The following ADCK1 variants were observed in gnomAD, a reference collection of about 807,000 sequenced individuals.
ADCK1 encodes the protein aarF domain containing kinase 1, also known as aarF domain-containing protein kinase 1.
A neutral mutation model predicts 52.3 loss-of-function variants in ADCK1; 41 were observed. That is an observed-to-expected ratio of 0.78 (90% CI 0.61 to 1.02). ADCK1 has a LOEUF of 1.02. ADCK1 is among the 50% of genes least tolerant of loss of function. The probability of loss-of-function intolerance (pLI) is 0.00; values close to 1 mark genes in which losing one functional copy is unlikely to be tolerated. For synonymous variants in ADCK1, 250 were observed against 274.6 expected, an observed-to-expected ratio of 0.91 and a Z score of 0.89; for missense variants, 658 against 679.5, an observed-to-expected ratio of 0.97 and a Z score of 0.35.
intron 7 of ADCK1, among the ~76,000 whole-genome samples, chr14:77,922,705 G>GC (rs1413557907): frequency 5.3e-5 from 8 of 152,188 alleles, no homozygotes; most frequent in Non-Finnish European, 8.8e-5. Context: ...GTGAATCTTG[G>GC]CTCGACCCTT....
intron 4 of ADCK1, among the ~76,000 whole-genome samples, chr14:77,866,582 T>C (rs574631852): frequency 3.0e-4 from 46 of 152,238 alleles, no homozygotes; most frequent in Non-Finnish European, 5.6e-4. Flanking sequence ...GATTAGGGAC[T>C]CTGAAGTATG....
intron 5 of ADCK1, among the ~76,000 whole-genome samples, chr14:77,897,699 T>C (rs1282111091): frequency 6.6e-6 from 1 of 152,240 alleles, no homozygotes; most frequent in Non-Finnish European, 1.5e-5. Context: ...TTTTTTATTA[T>C]GAAACATTTT....
intron 3 of ADCK1, 84 bp downstream of exon 3, chr14:77,822,602 A>C: frequency 8.4e-7 from 1 of 1,190,134 alleles, no homozygotes; most frequent in Non-Finnish European, 1.2e-6. Flanking sequence ...CTCCCACCTC[A>C]CCCCCGCAAA....
At chr14:77,875,271 C>T (rs1166280103) in intron 4 of ADCK1, among the ~76,000 whole-genome samples, 3 of 151,962 alleles carry the variant, frequency 2.0e-5, no homozygotes, top group Non-Finnish European at 4.4e-5. Flanking sequence ...ACAGTCACCT[C>T]CCCAGGTTCT....
chr14:77,836,212 C>G (rs1467302514), intron 3 of ADCK1, among the ~76,000 whole-genome samples: 2 of 152,228 alleles, frequency 1.3e-5, no homozygotes, highest in East Asian at 3.8e-4. Flanking sequence ...GATGACCCAG[C>G]AAGACGGCCC....
intron 3 of ADCK1, among the ~76,000 whole-genome samples, chr14:77,837,045 C>T (rs77706132): frequency 0.036 from 5,494 of 152,158 alleles, 144 homozygotes; most frequent in Non-Finnish European, 0.053. Context: ...GCCTTGGCCT[C>T]CCAAAGTGAG....
chr14:77,821,747 G>A (rs2081587230), intron 2 of ADCK1, among the ~76,000 whole-genome samples: 2 of 151,850 alleles, frequency 1.3e-5, no homozygotes. Flanking sequence ...CGAGTGTGGT[G>A]GCATGTGTGT....
intron 3 of ADCK1, among the ~76,000 whole-genome samples, chr14:77,850,625 T>C (rs2082262511): frequency 6.6e-6 from 1 of 151,700 alleles, no homozygotes; most frequent in African/African-American, 2.4e-5. Context: ...AGCTTTCTTT[T>C]GATTAGCATT....
chr14:77,806,262 G>C (rs377253344), intron 1 of ADCK1, among the ~76,000 whole-genome samples: 1 of 151,916 alleles, frequency 6.6e-6, no homozygotes, highest in African/African-American at 2.4e-5. Flanking sequence ...TTAGGTCTCT[G>C]AGCAAGAGGG....
At chr14:77,924,425 A>G (rs1240013845) in intron 7 of ADCK1, 32 bp from the exon 8 acceptor site, 2 of 1,611,090 alleles carry the variant, frequency 1.2e-6, no homozygotes, top group Non-Finnish European at 1.7e-6. Context: ...GTGAGTGGAG[A>G]GGAGCTCCCA....
chr14:77,878,443 C>G (rs1235425129), intron 4 of ADCK1, among the ~76,000 whole-genome samples: 1 of 152,224 alleles, frequency 6.6e-6, no homozygotes, highest in Non-Finnish European at 1.5e-5. Flanking sequence ...CTGACATTCC[C>G]TTGTATTGAC....
chr14:77,809,777 G>GA (rs2081299652), intron 1 of ADCK1, among the ~76,000 whole-genome samples: 1 of 150,992 alleles, frequency 6.6e-6, no homozygotes, highest in Admixed American at 6.6e-5. Flanking sequence ...GTTCAGGCCT[G>GA]TAATCCCAGC....
rs74065811 is a variant in ADCK1 at position 77,869,187 on chromosome 14, A to G, written c.423+9908A>G. On this transcript the variant is annotated intron_variant, in intron 4 of 10. Coordinates refer to ENST00000238561, the MANE Select transcript of ADCK1 (RefSeq NM_020421.4). Reference sequence around the variant, plus strand: ...TATTGGTTTTCTCGGGCTAGCCGCAAACCTCTGGCTTAAACAACAAATGTA... The same window carrying G: ...TATTGGTTTTCTCGGGCTAGCCGCAGACCTCTGGCTTAAACAACAAATGTA... Among the ~76,000 whole-genome samples the G allele has an allele frequency of 4.5e-3, 687 of 152,220 alleles. 5 individuals are homozygous for G. Among genetic ancestry groups the G allele is most frequent in the African/African-American group, 0.015 (642 of 41,520 alleles).
At chr14:77,866,426 G>A (rs904607515) in intron 4 of ADCK1, among the ~76,000 whole-genome samples, 2 of 152,064 alleles carry the variant, frequency 1.3e-5, no homozygotes, top group African/African-American at 4.8e-5. Flanking sequence ...GCCTCTTCCC[G>A]CTACTTTTAG....
chr14:77,915,872 G>A (rs1321280729), intron 7 of ADCK1, among the ~76,000 whole-genome samples: 1 of 152,182 alleles, frequency 6.6e-6, no homozygotes, highest in Non-Finnish European at 1.5e-5. Flanking sequence ...TGAAGCCCCA[G>A]TTACCTTTTG....
intron 3 of ADCK1, chr14:77,828,034 T>C (rs1216306262): frequency 4.2e-6 from 1 of 239,528 alleles, no homozygotes; most frequent in Non-Finnish European, 8.4e-6. Flanking sequence ...TTTACTGTAT[T>C]AGCCAGAATG....
chr14:77,849,522 ACCTTGAC>A (rs1322854984), intron 3 of ADCK1, among the ~76,000 whole-genome samples: 1 of 151,908 alleles, frequency 6.6e-6, no homozygotes, highest in Non-Finnish European at 1.5e-5. Context: ...GCTCACTACA[ACCTTGAC>A]CTCCGGGGCT....
chr14:77,906,790 C>T (rs1187683852), intron 6 of ADCK1, among the ~76,000 whole-genome samples: 2 of 151,996 alleles, frequency 1.3e-5, no homozygotes, highest in African/African-American at 4.8e-5. Context: ...CAAATACCCC[C>T]TTTTTTTTAA....
chr14:77,822,259 G>T (rs2081598650), intron 2 of ADCK1, among the ~76,000 whole-genome samples, 176 bp from the exon 3 acceptor site: 1 of 152,188 alleles, frequency 6.6e-6, no homozygotes, highest in East Asian at 1.9e-4. Context: ...ACAGAGTCCT[G>T]AATAACAGGA....
Sources: allele counts gnomAD v4.1 joint callset (sites outside exome capture counted in the v4.1 genomes callset), GRCh38; gene constraint gnomAD v4.1.1; transcripts MANE v1.5; gene names NCBI Gene and HGNC (gene_info 2026-07-23, HGNC 2026-07-21).